ITPR2: variants seen among roughly 807,000 people sequenced by gnomAD.
ITPR2 encodes inositol 1,4,5-trisphosphate-gated calcium channel ITPR2.
In ITPR2, 207 loss-of-function variants were observed where a neutral mutation model predicts 317.1. That is an observed-to-expected ratio of 0.65 (90% CI 0.58 to 0.73). ITPR2 has a LOEUF of 0.73. Ranked by LOEUF, ITPR2 falls within the 30% of genes least tolerant of loss-of-function variation. The pLI, the probability that ITPR2 is intolerant of heterozygous loss-of-function variation, is 0.00. For missense variants in ITPR2, 2,613 were observed against 3,284.0 expected (o/e 0.80, Z 4.99); for synonymous variants, 1,156 against 1,149.1 (o/e 1.01, Z -0.12).
chr12:26,781,721 T>C lies in ITPR2; in HGVS notation c.163+8436A>G, dbSNP rs186535692. Among the ~76,000 whole-genome samples, 1,209 of 152,100 alleles carry C rather than the reference T, an allele frequency of 7.9e-3. 15 individuals carry two copies. The highest frequency in any genetic ancestry group is 0.028 in the African/African-American group (1,157 of 41,470). ...GATCCTGGATGTGTCTGTGAGGGTG[T>C]TGCCAAAGGAGATTAACATCTGAGT... is the stretch of plus-strand genomic sequence containing the variant. On this transcript the variant is annotated intron_variant, in intron 2 of 56. Coordinates refer to ENST00000381340, the MANE Select transcript of ITPR2 (RefSeq NM_002223.4).
chr12:26,503,680 A>G (rs568285679), intron 37 of ITPR2, among the ~76,000 whole-genome samples: 29 of 152,326 alleles, frequency 1.9e-4, no homozygotes, highest in African/African-American at 7.0e-4. Context: ...CAGTTTCCCC[A>G]TCTGTGGATA....
At chr12:26,710,110 T>G (rs983008213) in intron 9 of ITPR2, among the ~76,000 whole-genome samples, 2 of 152,138 alleles carry the variant, frequency 1.3e-5, no homozygotes, top group African/African-American at 4.8e-5. Context: ...GGTGTGAACC[T>G]GTAGTCCCAG....
At chr12:26,712,676 AT>A (rs1948670179) in intron 8 of ITPR2, among the ~76,000 whole-genome samples, 1 of 143,248 alleles carries the variant, frequency 7.0e-6, no homozygotes, top group Non-Finnish European at 1.5e-5. Context: ...CACACACACA[AT>A]TTTGTGGTTT....
chr12:26,426,579 T>C (rs971088688), intron 49 of ITPR2, among the ~76,000 whole-genome samples: 3 of 152,176 alleles, frequency 2.0e-5, no homozygotes, highest in African/African-American at 7.2e-5. Context: ...CAAAATTCTT[T>C]ACTGATAGAC....
chr12:26,545,425 G>A (rs184122574), intron 37 of ITPR2, among the ~76,000 whole-genome samples: 98 of 152,186 alleles, frequency 6.4e-4, no homozygotes, highest in South Asian at 1.7e-3. Flanking sequence ...CTACACTACC[G>A]GCTTTAAAGA....
At chr12:26,819,988 T>C (rs1344263453) in intron 1 of ITPR2, among the ~76,000 whole-genome samples, 1 of 152,148 alleles carries the variant, frequency 6.6e-6, no homozygotes, top group East Asian at 1.9e-4. Context: ...GGAGAATTGC[T>C]TGAACCCAGG....
At chr12:26,452,016 T>C (rs992997612) in intron 45 of ITPR2, among the ~76,000 whole-genome samples, 8 of 152,128 alleles carry the variant, frequency 5.3e-5, no homozygotes, top group Non-Finnish European at 1.2e-4. Context: ...GGGACAGCTA[T>C]ATAGCATCGC....
intron 2 of ITPR2, among the ~76,000 whole-genome samples, chr12:26,730,751 T>C (rs1229035852): frequency 6.6e-6 from 1 of 152,198 alleles, no homozygotes; most frequent in Non-Finnish European, 1.5e-5. Flanking sequence ...GAAGTGTTCA[T>C]TTTAAACTGA....
At chr12:26,507,540 A>G (rs549959929) in intron 37 of ITPR2, among the ~76,000 whole-genome samples, 5 of 152,334 alleles carry the variant, frequency 3.3e-5, no homozygotes, top group African/African-American at 1.2e-4. Flanking sequence ...TAACATGCAA[A>G]GCACATTTGC....
At chr12:26,703,747 C>T (rs1038715996) in intron 9 of ITPR2, among the ~76,000 whole-genome samples, 2 of 152,164 alleles carry the variant, frequency 1.3e-5, no homozygotes, top group Admixed American at 6.5e-5. Context: ...TTTATAACAA[C>T]AGTCATAGTC....
At position 26,819,913 on chromosome 12, in the gene ITPR2, C is replaced by T. The variant is rs181957025; in HGVS notation, c.92+12777G>A. Among the ~76,000 whole-genome samples the T allele has an allele frequency of 1.5e-3, 224 of 151,870 alleles. 2 individuals carry two copies. Among genetic ancestry groups the T allele is most frequent in the African/African-American group, 5.3e-3 (219 of 41,390 alleles). ...AAAACCCCATCTCTACTAAAAATAC[C>T]CAAAAAAATTAGCTGGGCATGGTGG... On this transcript the variant is annotated intron_variant, in intron 1 of 56. Coordinates refer to ENST00000381340, the MANE Select transcript of ITPR2 (RefSeq NM_002223.4).
chr12:26,516,270 A>AGGAAAGGAAGGGAAGGGAAGGGAAG (rs1943499154), intron 37 of ITPR2, among the ~76,000 whole-genome samples: 1 of 38,982 alleles, frequency 2.6e-5, no homozygotes. Flanking sequence ...AGGAAAGGAA[A>AGGAAAGGAAGGGAAGGGAAGGGAAG]GGAAGGGAAG....
At chr12:26,536,178 G>C (rs1944084830) in intron 37 of ITPR2, among the ~76,000 whole-genome samples, 1 of 152,116 alleles carries the variant, frequency 6.6e-6, no homozygotes, top group Non-Finnish European at 1.5e-5. Flanking sequence ...CATTTAGGTG[G>C]AATATTAAAA....
At chr12:26,624,467 C>T (rs142317473) in intron 23 of ITPR2, 111 bp from the exon 24 acceptor site, 16 of 721,300 alleles carry the variant, frequency 2.2e-5, no homozygotes, top group African/African-American at 1.3e-4. Flanking sequence ...TTTCTTTATT[C>T]GACCAAAAGT....
At position 26,504,515 on chromosome 12, in the gene ITPR2, T is replaced by C. The variant is rs944427678; in HGVS notation, c.5074-9255A>G. On this transcript the variant is annotated intron_variant, in intron 37 of 56. Transcript: ENST00000381340. Reference sequence around the variant, plus strand: ...ACATGAAAAAAAATGCTCACCTTCATTGGTAATCAAAGAAATGCTAATAAA... The same window carrying C: ...ACATGAAAAAAAATGCTCACCTTCACTGGTAATCAAAGAAATGCTAATAAA... Among the ~76,000 whole-genome samples the C allele has an allele frequency of 3.9e-5, 6 of 152,274 alleles. 1 individual carries two copies. The highest frequency in any genetic ancestry group is 6.5e-5 in the Admixed American group (1 of 15,298).
chr12:26,828,599 T>G (rs562995640), intron 1 of ITPR2, among the ~76,000 whole-genome samples: 1 of 152,230 alleles, frequency 6.6e-6, no homozygotes, highest in Non-Finnish European at 1.5e-5. Context: ...TTATATTCCA[T>G]GGCCTTAATT....
rs753705823 is a variant in ITPR2 at position 26,549,594 on chromosome 12, T to C, written c.5073+653A>G. Among the ~76,000 whole-genome samples, 52 of 152,232 alleles carry C rather than the reference T, an allele frequency of 3.4e-4. No individual in the cohort carries two copies. In the Middle Eastern group the frequency reaches 0.017, roughly 50 times the overall value. The stretch of plus-strand genomic sequence containing the variant: ...AGACAGCTAGCTAAAAAAAATTCTC[T>C]AGATTTATACTTTATATTTAAGTGT... On this transcript the variant is annotated intron_variant, in intron 37 of 56. Coordinates refer to ENST00000381340, the MANE Select transcript of ITPR2 (RefSeq NM_002223.4).
intron 54 of ITPR2, among the ~76,000 whole-genome samples, chr12:26,398,106 CAG>C (rs376868619): frequency 1.7e-4 from 20 of 118,950 alleles, no homozygotes; most frequent in Non-Finnish European, 2.6e-4. Context: ...GTAAGAGAGA[CAG>C]AGAGAGAGAG....
chr12:26,801,708 T>A (rs1256839956), intron 1 of ITPR2, among the ~76,000 whole-genome samples: 1 of 152,172 alleles, frequency 6.6e-6, no homozygotes, highest in Non-Finnish European at 1.5e-5. Flanking sequence ...CTCTGGACAA[T>A]AGAGATAATA....
Sources: allele counts gnomAD v4.1 joint callset (sites outside exome capture counted in the v4.1 genomes callset), GRCh38; gene constraint gnomAD v4.1.1; transcripts MANE v1.5; gene names NCBI Gene and HGNC (gene_info 2026-07-23, HGNC 2026-07-21).